Variants in USP3 observed in about 807,000 individuals in gnomAD.
USP3 encodes ubiquitin specific peptidase 3.
A neutral mutation model predicts 72.3 loss-of-function variants in USP3; 20 were observed. The ratio of observed to expected loss-of-function variants is 0.28; its 90% CI spans 0.19 to 0.40. The LOEUF is 0.40. USP3 is among the 10% of genes least tolerant of loss of function. The probability of loss-of-function intolerance (pLI) is 1.00; values close to 1 mark genes in which losing one functional copy is unlikely to be tolerated. For synonymous variants in USP3, 222 were observed against 225.3 expected (o/e 0.99, Z 0.13); for missense variants, 479 against 633.9 (o/e 0.76, Z 2.62).
At chr15:63,565,737 C>T (rs907240139) in intron 8 of USP3, among the ~76,000 whole-genome samples, 2 of 152,070 alleles carry the variant, frequency 1.3e-5, no homozygotes, top group African/African-American at 4.8e-5. Context: ...TTCCTCAGAC[C>T]ATTTTACAGT....
chr15:63,544,791 A>G lies in USP3; in HGVS notation c.284+7635A>G, dbSNP rs2066296371. 3 of 697,044 alleles carry G rather than the reference A, an allele frequency of 4.3e-6. No homozygotes were observed. Among genetic ancestry groups the G allele is most frequent in the Non-Finnish European group, 7.8e-6 (3 of 383,088 alleles). The allele number at this position is 697,044 out of a possible 1,614,324, so 43.2% of individuals were successfully genotyped here. On this transcript the variant is annotated intron_variant, in intron 3 of 14. Coordinates refer to ENST00000380324, the MANE Select transcript of USP3 (RefSeq NM_006537.4). The surrounding 1 kb of genome is among the most constrained non-coding windows in gnomAD (Gnocchi z 4.2). ...TCTAAAACTAGAGCAGGTAACACTG[A>G]AGTGAAAGGGAAGATTGGGAGGGAA...
chr15:63,527,514 T>A (rs2066001518), intron 1 of USP3, among the ~76,000 whole-genome samples: 1 of 152,242 alleles, frequency 6.6e-6, no homozygotes, highest in Non-Finnish European at 1.5e-5. Flanking sequence ...GTATGATGTT[T>A]TGTCCAAAAA....
At position 63,537,105 on chromosome 15, in the gene USP3, A is replaced by T. The variant is rs748306078; in HGVS notation, c.233A>T (p.Asp78Val). ...AACCATAAGAAATCAGAAAAGCAAG[A>T]TAAAGTTCAGCACACAGTATGTATG... ...LTNHKKSEKQ[D>V]KVQHTVCMDC... Residue 78 changes from aspartate (D) to valine (V), a missense_variant, in exon 3 of 15, where the codon GAT becomes GTT. Transcript: ENST00000380324. The T allele has an allele frequency of 1.9e-6, 3 of 1,614,162 alleles. No homozygotes were observed. Among genetic ancestry groups the T allele is most frequent in the Non-Finnish European group, 2.5e-6 (3 of 1,179,996 alleles).
rs78500352 is a variant in USP3, at chr15:63,521,525, C to T, written c.92-11122C>T. 3.5e-3 allele frequency among the ~76,000 whole-genome samples: 528 copies of T among 152,208 alleles called. 16 individuals are homozygous for T. The East Asian group carries it at 0.051, about 15-fold the overall frequency. ...CTGTTGAAGTGAAATACTTATCTAT[C>T]GTAATTATTTTTCTGTTGGGAAACC... On this transcript the variant is annotated intron_variant, in intron 1 of 14. Transcript: ENST00000380324.
rs1198068786 is a variant in USP3, at chr15:63,544,741, A to G, written c.284+7585A>G. ...AAAATACCGAGGGGTAAGAGAGTTC[A>G]TGGTATATGGGATGAAAGCTTAACT... On this transcript the variant is annotated intron_variant, in intron 3 of 14. Transcript: ENST00000380324. The surrounding 1 kb of genome is among the most constrained non-coding windows in gnomAD (Gnocchi z 4.2). 2.8e-6 allele frequency: 2 copies of G among 702,098 alleles called. No homozygotes were observed. The allele number at this position is 702,098 out of a possible 1,614,324, so 43.5% of individuals were successfully genotyped here.
chr15:63,518,520 T>G (rs1453319961), intron 1 of USP3, among the ~76,000 whole-genome samples: 1 of 152,234 alleles, frequency 6.6e-6, no homozygotes, highest in Non-Finnish European at 1.5e-5. Context: ...TAATTGGAAG[T>G]AAAGGACACA....
intron 3 of USP3, among the ~76,000 whole-genome samples, chr15:63,539,892 G>C: frequency 6.6e-6 from 1 of 152,210 alleles, no homozygotes; most frequent in Non-Finnish European, 1.5e-5. Context: ...CGAAGATGCA[G>C]TTTAAATTAA....
At chr15:63,548,299 A>G (rs1378540433) in intron 3 of USP3, among the ~76,000 whole-genome samples, 1 of 150,882 alleles carries the variant, frequency 6.6e-6, no homozygotes, top group South Asian at 2.1e-4. Context: ...ATGCTTGGCT[A>G]TTTATTTATT....
In USP3 at chr15:63,588,936, T is replaced by A. The variant is rs756860477; in HGVS notation, c.1330-8T>A. 6.2e-7 allele frequency: 1 copy of A among 1,614,162 alleles called. No individual in the cohort carries two copies. The highest frequency in any genetic ancestry group is 8.5e-7 in the Non-Finnish European group (1 of 1,180,036). ...ATTGACCACTGCTCCTTCTTCCTTG[T>A]TCTGTAGCCTGAGAACAGTGGCCCG... On this transcript the variant is annotated splice_region_variant and splice_polypyrimidine_tract_variant and intron_variant, in intron 13 of 14. Transcript: ENST00000380324. This position sits in a 1 kb window ranked among gnomAD's most constrained non-coding sequence, Gnocchi z 4.6.
intron 11 of USP3, among the ~76,000 whole-genome samples, chr15:63,584,087 G>GTTTTGTTT: frequency 7.2e-6 from 1 of 139,830 alleles, no homozygotes; most frequent in African/African-American, 2.8e-5. Flanking sequence ...AGGTACAACG[G>GTTTTGTTT]TTTTGTTTTT....
intron 1 of USP3, among the ~76,000 whole-genome samples, chr15:63,527,576 A>G (rs2066002646): frequency 6.6e-6 from 1 of 152,236 alleles, no homozygotes; most frequent in Non-Finnish European, 1.5e-5. Context: ...ATCCTCTATT[A>G]TGAGATTCTC....
intron 3 of USP3, among the ~76,000 whole-genome samples, chr15:63,548,339 G>T (rs529967209): frequency 6.6e-4 from 94 of 142,906 alleles, no homozygotes; most frequent in Non-Finnish European, 9.4e-4. Context: ...TGTTTTTTTT[G>T]GGGGGGGACA....
chr15:63,512,567 C>T (rs973756423), intron 1 of USP3, among the ~76,000 whole-genome samples: 8 of 152,078 alleles, frequency 5.3e-5, no homozygotes, highest in African/African-American at 1.9e-4. Context: ...GCTTCAGCCT[C>T]CCAAGTAGTT....
chr15:63,516,094 C>G lies in USP3; in HGVS notation c.91+11264C>G, dbSNP rs79006712. Among the ~76,000 whole-genome samples the G allele has an allele frequency of 8.5e-3, 1,298 of 152,238 alleles. 22 individuals carry two copies. The highest frequency in any genetic ancestry group is 0.029 in the African/African-American group (1,218 of 41,550). ...TTGGTTACTATAGTGATTCATTTTT[C>G]TTTCTTGTCCAACATTTTATTTTTT... is the stretch of plus-strand genomic sequence containing the variant. On this transcript the variant is annotated intron_variant, in intron 1 of 14. Coordinates refer to ENST00000380324, the MANE Select transcript of USP3 (RefSeq NM_006537.4).
chr15:63,529,113 C>T lies in USP3; in HGVS notation c.92-3534C>T. On this transcript the variant is annotated intron_variant, in intron 1 of 14. Transcript: ENST00000380324. This position sits in a 1 kb window ranked among gnomAD's most constrained non-coding sequence, Gnocchi z 4.2. ...CTCTAGGCTCAAGTGATTCTTCTGC[C>T]TCAGCCTCCCAAGTAGCTGGGACTA... 8.2e-7 allele frequency: 1 copy of T among 1,217,122 alleles called. No homozygotes were observed. Among genetic ancestry groups the T allele is most frequent in the Non-Finnish European group, 1.1e-6 (1 of 923,242 alleles). 75.4% of individuals were successfully genotyped at this position (1,217,122 alleles called of 1,614,324 possible). A position where few individuals can be genotyped will look rare whatever the true frequency, so the allele number is the denominator to read the frequency against.
chr15:63,537,358 A>G (rs962627796), intron 3 of USP3, among the ~76,000 whole-genome samples: 1 of 152,118 alleles, frequency 6.6e-6, no homozygotes, highest in Non-Finnish European at 1.5e-5. Flanking sequence ...TTCAACTTCT[A>G]GGCCTCCTTT....
At chr15:63,506,625 C>G (rs2065716954) in intron 1 of USP3, among the ~76,000 whole-genome samples, 1 of 152,170 alleles carries the variant, frequency 6.6e-6, no homozygotes, top group African/African-American at 2.4e-5. Context: ...TCAGGGAGTC[C>G]ACTTGACTGT....
At chr15:63,523,232 A>G (rs1414203965) in intron 1 of USP3, among the ~76,000 whole-genome samples, 1 of 152,156 alleles carries the variant, frequency 6.6e-6, no homozygotes, top group Non-Finnish European at 1.5e-5. Flanking sequence ...CTTTCCGTTG[A>G]TTAGGCCCTG....
chr15:63,587,436 T>G (rs1433377311), intron 11 of USP3, among the ~76,000 whole-genome samples: 3 of 152,070 alleles, frequency 2.0e-5, no homozygotes, highest in Non-Finnish European at 4.4e-5. Context: ...TTTAATGTCA[T>G]CAGTAGGTTC....
Sources: gnomAD v4.1 joint callset for allele counts (sites outside exome capture counted in the v4.1 genomes callset) on GRCh38, gnomAD v4.1.1 for gene constraint, Gnocchi (gnomAD v3.1) non-coding constraint, MANE v1.5 for transcripts, NCBI Gene and HGNC (gene_info 2026-07-23, HGNC 2026-07-21) for gene names.